The following PTPRD variants were observed in gnomAD, a reference collection of about 807,000 sequenced individuals.
The protein encoded by PTPRD is receptor-type tyrosine-protein phosphatase delta.
PTPRD carries 34 observed loss-of-function variants against 214.5 expected under a neutral mutation model. That is an observed-to-expected ratio of 0.16 (90% CI 0.12 to 0.21). The LOEUF (loss-of-function observed/expected upper bound fraction) is 0.21. Among genes scored for constraint, PTPRD ranks in the 10% least tolerant of loss-of-function variants. The pLI is 1.00. For synonymous variants in PTPRD, 1,128 were observed against 845.7 expected (o/e 1.33, Z -5.79); for missense variants, 2,545 against 2,398.7 (o/e 1.06, Z -1.27).
At chr9:8,353,987 T>G (rs2076338675) in intron 39 of PTPRD, among the ~76,000 whole-genome samples, 1 of 139,774 alleles carries the variant, frequency 7.2e-6, no homozygotes, top group African/African-American at 2.6e-5. Flanking sequence ...TGAGAAGGAG[T>G]CTCACTCTGT....
At chr9:9,666,149 T>C (rs1473775043) in intron 7 of PTPRD, among the ~76,000 whole-genome samples, 5 of 151,836 alleles carry the variant, frequency 3.3e-5, no homozygotes, top group African/African-American at 1.2e-4. Flanking sequence ...ATGAAGTATA[T>C]ATGTATTAAA....
At chr9:9,325,485 T>C (rs1338002694) in intron 9 of PTPRD, among the ~76,000 whole-genome samples, 1 of 152,164 alleles carries the variant, frequency 6.6e-6, no homozygotes, top group Non-Finnish European at 1.5e-5. Flanking sequence ...ATTATTTGGC[T>C]CTCTGTTTGT....
At chr9:10,498,390 A>G (rs2042728910) in intron 2 of PTPRD, among the ~76,000 whole-genome samples, 1 of 151,996 alleles carries the variant, frequency 6.6e-6, no homozygotes, top group African/African-American at 2.4e-5. Flanking sequence ...GCATACCAAA[A>G]AAATTAACTG....
At chr9:10,020,244 T>G (rs1202348019) in intron 4 of PTPRD, among the ~76,000 whole-genome samples, 1 of 152,222 alleles carries the variant, frequency 6.6e-6, no homozygotes, top group Admixed American at 6.5e-5. Context: ...ACCAACAATT[T>G]GGCACCGCAC....
At chr9:9,621,502 A>G (rs1253639004) in intron 7 of PTPRD, among the ~76,000 whole-genome samples, 1 of 152,198 alleles carries the variant, frequency 6.6e-6, no homozygotes, top group East Asian at 1.9e-4. Context: ...ATTATTACCA[A>G]AACAACTTTA....
intron 2 of PTPRD, among the ~76,000 whole-genome samples, chr9:10,494,153 T>C (rs577370758): frequency 4.6e-5 from 7 of 152,048 alleles, no homozygotes; most frequent in African/African-American, 1.7e-4. Flanking sequence ...TCAGTTCAAT[T>C]TAAGCCCAGA....
intron 8 of PTPRD, among the ~76,000 whole-genome samples, chr9:9,436,254 C>T (rs1213315485): frequency 2.0e-5 from 3 of 152,094 alleles, no homozygotes; most frequent in South Asian, 2.1e-4. Flanking sequence ...CTGTGACCCC[C>T]TATTTAACTC....
intron 8 of PTPRD, among the ~76,000 whole-genome samples, chr9:9,468,202 G>C (rs969818072): frequency 1.3e-5 from 2 of 150,338 alleles, no homozygotes; most frequent in African/African-American, 2.5e-5. Flanking sequence ...TTTTTTTATC[G>C]GTTTTTATTT....
chr9:8,951,345 C>G (rs73640973), intron 11 of PTPRD, among the ~76,000 whole-genome samples: 1 of 145,566 alleles, frequency 6.9e-6, no homozygotes, highest in Non-Finnish European at 1.5e-5. Flanking sequence ...TTTTCAGTCC[C>G]GTAAACATAG....
chr9:8,851,917 G>T (rs1288296667), intron 11 of PTPRD, among the ~76,000 whole-genome samples: 1 of 152,046 alleles, frequency 6.6e-6, no homozygotes, highest in Admixed American at 6.6e-5. Context: ...TCGAGATTTT[G>T]CAATTCTTTA....
intron 10 of PTPRD, among the ~76,000 whole-genome samples, chr9:9,102,586 G>A (rs1335243663): frequency 6.6e-6 from 1 of 152,240 alleles, no homozygotes; most frequent in Non-Finnish European, 1.5e-5. Context: ...AATTGGAGCT[G>A]AAAGATTCGC....
At chr9:9,176,356 A>C (rs1479497660) in intron 10 of PTPRD, among the ~76,000 whole-genome samples, 3 of 152,226 alleles carry the variant, frequency 2.0e-5, no homozygotes, top group Non-Finnish European at 4.4e-5. Flanking sequence ...GTTAGAAGTC[A>C]GTCTCTATCT....
intron 44 of PTPRD, among the ~76,000 whole-genome samples, chr9:8,330,867 T>G (rs1839853293): frequency 6.6e-6 from 1 of 152,140 alleles, no homozygotes; most frequent in South Asian, 2.1e-4. Flanking sequence ...ATAAAAAGAT[T>G]AGATGTCAAG....
chr9:9,901,681 T>G (rs2076435928), intron 5 of PTPRD, among the ~76,000 whole-genome samples: 1 of 152,156 alleles, frequency 6.6e-6, no homozygotes, highest in African/African-American at 2.4e-5. Context: ...GTTCTCATAT[T>G]ACTATAAATA....
intron 6 of PTPRD, among the ~76,000 whole-genome samples, chr9:9,753,359 G>A (rs1433854476): frequency 6.6e-6 from 1 of 151,930 alleles, no homozygotes; most frequent in Non-Finnish European, 1.5e-5. Flanking sequence ...GTGAATTATA[G>A]CTGGACCCGC....
intron 10 of PTPRD, among the ~76,000 whole-genome samples, chr9:9,104,111 T>G (rs2099795156): frequency 6.6e-6 from 1 of 152,178 alleles, no homozygotes; most frequent in African/African-American, 2.4e-5. Context: ...CTTGGCAAAT[T>G]TTTCTGTATA....
chr9:8,435,771 T>C (rs553854123), intron 35 of PTPRD, among the ~76,000 whole-genome samples: 62 of 151,990 alleles, frequency 4.1e-4, no homozygotes, highest in Admixed American at 4.1e-3. Context: ...TTTACCTCCA[T>C]CAAGAATTCA....
intron 4 of PTPRD, among the ~76,000 whole-genome samples, chr9:10,020,101 T>C (rs916415502): frequency 2.6e-5 from 4 of 152,178 alleles, no homozygotes; most frequent in South Asian, 2.1e-4. Flanking sequence ...CTTTTGTGAT[T>C]TGAAGAAGTT....
At chr9:9,227,038 A>G (rs1373152753) in intron 9 of PTPRD, among the ~76,000 whole-genome samples, 14 of 152,088 alleles carry the variant, frequency 9.2e-5, no homozygotes. Context: ...GTGCATTATC[A>G]TAATTTCTGT....
Sources: gnomAD v4.1 joint callset for allele counts (sites outside exome capture counted in the v4.1 genomes callset) on GRCh38, gnomAD v4.1.1 for gene constraint, MANE v1.5 for transcripts, NCBI Gene and HGNC (gene_info 2026-07-23, HGNC 2026-07-21) for gene names.